PRKCQ: variants seen among roughly 807,000 people sequenced by gnomAD.
PRKCQ encodes the protein protein kinase C theta.
A neutral mutation model predicts 91.2 loss-of-function variants in PRKCQ; 41 were observed. The observed-to-expected ratio is 0.45, with a 90% CI of 0.35 to 0.58. The LOEUF is 0.58. PRKCQ is among the 20% of genes least tolerant of loss of function. The pLI, the probability that PRKCQ is intolerant of heterozygous loss-of-function variation, is 0.00. For synonymous variants in PRKCQ, 307 were observed against 316.9 expected (o/e 0.97, Z 0.33); for missense variants, 673 against 896.5 (o/e 0.75, Z 3.18).
At chr10:6,463,639 T>A (rs1014766458) in intron 13 of PRKCQ, among the ~76,000 whole-genome samples, 9 of 152,190 alleles carry the variant, frequency 5.9e-5, no homozygotes, top group Admixed American at 5.2e-4. Context: ...TTCATGCAGA[T>A]GGGAGGGAGG....
intron 2 of PRKCQ, among the ~76,000 whole-genome samples, chr10:6,513,474 A>C (rs1838594881): frequency 6.7e-6 from 1 of 148,776 alleles, no homozygotes; most frequent in Non-Finnish European, 1.5e-5. Context: ...AAAAGCCCTC[A>C]GGAAGCAAAT....
intron 11 of PRKCQ, among the ~76,000 whole-genome samples, chr10:6,480,093 G>A (rs565632350): frequency 3.3e-5 from 5 of 152,242 alleles, no homozygotes; most frequent in South Asian, 2.1e-4. Context: ...CAGATTCTTC[G>A]AGCTACTAGG....
intron 1 of PRKCQ, among the ~76,000 whole-genome samples, chr10:6,562,908 T>A (rs1349464440): frequency 6.6e-6 from 1 of 152,204 alleles, no homozygotes; most frequent in African/African-American, 2.4e-5. Context: ...ATAATTATTA[T>A]ATACTCAGAG....
intron 1 of PRKCQ, among the ~76,000 whole-genome samples, chr10:6,528,656 T>G (rs1398459838): frequency 6.6e-6 from 1 of 152,160 alleles, no homozygotes; most frequent in Admixed American, 6.5e-5. Context: ...CACAAAACTG[T>G]GCAAAGGACT....
rs768827336 is a variant in PRKCQ, at chr10:6,498,425, T to C, written c.513A>G (p.Thr171=). The change falls in exon 5 of 18, where the codon ACA becomes ACG. Residue 171 remains threonine (T), a synonymous_variant. Transcript: ENST00000263125. ...EFTATFFPQP[T]FCSVCHEFVW... ...CAAACTCGTGGCAGACAGAGCAAAA[T>C]GTGGGCTGTGGGAAGAAGGTGGCAG... 1.2e-6 allele frequency: 2 copies of C among 1,613,918 alleles called. No homozygotes were observed. The highest frequency in any genetic ancestry group is 1.7e-5 in the Admixed American group (1 of 60,010).
chr10:6,433,657 C>T (rs1042659223), intron 16 of PRKCQ, among the ~76,000 whole-genome samples: 5 of 152,148 alleles, frequency 3.3e-5, no homozygotes, highest in East Asian at 1.9e-4. Flanking sequence ...ACATAGGTAA[C>T]GAAATGACAC....
intron 1 of PRKCQ, among the ~76,000 whole-genome samples, chr10:6,544,344 T>C (rs2130921887): frequency 6.6e-6 from 1 of 152,308 alleles, no homozygotes; most frequent in Non-Finnish European, 1.5e-5. Flanking sequence ...ATTTGTCTGT[T>C]TAATGACCTG....
chr10:6,420,348 G>A, the PRKCQ span, among the ~76,000 whole-genome samples: 4 of 152,256 alleles, frequency 2.6e-5, no homozygotes, highest in South Asian at 4.1e-4. Context: ...CTCCCTTGCC[G>A]TCTGACTGGT....
chr10:6,429,172 A>G (rs1429005386), intron 17 of PRKCQ, among the ~76,000 whole-genome samples: 1 of 152,224 alleles, frequency 6.6e-6, no homozygotes, highest in Non-Finnish European at 1.5e-5. Context: ...ACCACAGGTC[A>G]GGGAAAGTTT....
intron 3 of PRKCQ, among the ~76,000 whole-genome samples, chr10:6,509,090 C>CA (rs905506504): frequency 1.3e-5 from 2 of 151,638 alleles, no homozygotes; most frequent in African/African-American, 4.8e-5. Context: ...AAAAAGAAAA[C>CA]AAAAAAACCC....
intron 16 of PRKCQ, among the ~76,000 whole-genome samples, chr10:6,437,933 G>A (rs953988117): frequency 6.6e-6 from 1 of 152,174 alleles, no homozygotes; most frequent in Non-Finnish European, 1.5e-5. Flanking sequence ...GATTACAGGC[G>A]TGAGCCACCG....
At chr10:6,395,075 T>TTTTTTTTTC in the PRKCQ span, among the ~76,000 whole-genome samples, 346 of 135,658 alleles carry the variant, frequency 2.6e-3, 2 homozygotes, top group African/African-American at 9.5e-3. Flanking sequence ...TTTTTTTTTT[T>TTTTTTTTTC]TTTTTGAGAC....
chr10:6,461,576 T>C (rs1283118821), intron 14 of PRKCQ, among the ~76,000 whole-genome samples: 1 of 152,214 alleles, frequency 6.6e-6, no homozygotes, highest in East Asian at 1.9e-4. Flanking sequence ...TGACTCCAAA[T>C]AGGGCAACCC....
intron 1 of PRKCQ, among the ~76,000 whole-genome samples, chr10:6,546,235 T>C (rs1417989803): frequency 6.6e-6 from 1 of 152,098 alleles, no homozygotes; most frequent in Non-Finnish European, 1.5e-5. Context: ...TTTTTGTGTA[T>C]CAATTAATAG....
intron 1 of PRKCQ, among the ~76,000 whole-genome samples, chr10:6,545,175 G>A (rs1007178467): frequency 1.3e-5 from 2 of 152,206 alleles, no homozygotes; most frequent in African/African-American, 4.8e-5. Context: ...ACGGACATGA[G>A]AAAGGCATTT....
chr10:6,412,369 A>C, the PRKCQ span, among the ~76,000 whole-genome samples: 1 of 152,264 alleles, frequency 6.6e-6, no homozygotes, highest in Admixed American at 6.5e-5. Flanking sequence ...ATTCCAATAA[A>C]AATATCAAAA....
At chr10:6,517,000 A>C (rs1838789983) in intron 1 of PRKCQ, among the ~76,000 whole-genome samples, 1 of 152,180 alleles carries the variant, frequency 6.6e-6, no homozygotes, top group Non-Finnish European at 1.5e-5. Flanking sequence ...CTATTCTGTA[A>C]AGGTCTGCTC....
At chr10:6,404,124 T>TA in the PRKCQ span, among the ~76,000 whole-genome samples, 1 of 149,538 alleles carries the variant, frequency 6.7e-6, no homozygotes, top group Non-Finnish European at 1.5e-5. Flanking sequence ...GTAGCAAGAA[T>TA]AAAAAAATGC....
intron 1 of PRKCQ, among the ~76,000 whole-genome samples, chr10:6,529,375 A>G (rs1839311397): frequency 6.6e-6 from 1 of 152,154 alleles, no homozygotes; most frequent in African/African-American, 2.4e-5. Flanking sequence ...CCATCTTGTG[A>G]CCCAGCAGCT....
Sources: gnomAD v4.1 joint callset for allele counts (sites outside exome capture counted in the v4.1 genomes callset) on GRCh38, gnomAD v4.1.1 for gene constraint, MANE v1.5 for transcripts, NCBI Gene and HGNC (gene_info 2026-07-23, HGNC 2026-07-21) for gene names.